CCDC150: variants seen among roughly 807,000 people sequenced by gnomAD.
CCDC150 encodes the protein coiled-coil domain-containing protein 150.
Under a neutral mutation model 156.5 loss-of-function variants are expected in CCDC150, and 151 were observed. The observed-to-expected ratio is 0.97, with a 90% CI of 0.85 to 1.10. The LOEUF is 1.10. CCDC150 is among the 50% of genes least tolerant of loss of function. CCDC150 has a pLI of 0.00. For missense variants in CCDC150, 1,312 were observed against 1,268.1 expected, an observed-to-expected ratio of 1.03 and a Z score of -0.53; for synonymous variants, 452 against 429.4, an observed-to-expected ratio of 1.05 and a Z score of -0.65.
intron 13 of CCDC150, among the ~76,000 whole-genome samples, chr2:196,680,278 A>G (rs1458048273): frequency 6.6e-6 from 1 of 151,960 alleles, no homozygotes; most frequent in African/African-American, 2.4e-5. Flanking sequence ...ATTTTTATGT[A>G]TCATGCAAGG....
At chr2:196,654,761 A>T (rs539652169) in intron 2 of CCDC150, among the ~76,000 whole-genome samples, 29 of 152,198 alleles carry the variant, frequency 1.9e-4, no homozygotes, top group Admixed American at 1.8e-3. Flanking sequence ...TTATTCTTTT[A>T]TTTGGAACAT....
In CCDC150 at chr2:196,656,691, C is replaced by G. The variant is rs202212006; in HGVS notation, c.235C>G (p.Pro79Ala). ...EDLDSQKVIS[P>A]IQNEAICAGK... is the part of the protein sequence containing the mutation. The stretch of plus-strand genomic sequence containing the variant: ...CCTGGACAGCCAGAAAGTCATTAGT[C>G]CTATCCAAAATGAAGCAATTTGTGC... The change falls in exon 3 of 28, where the codon CCT becomes GCT. Residue 79 changes from proline to alanine, a missense_variant. Transcript: ENST00000389175. 1.2e-4 allele frequency: 201 copies of G among 1,613,576 alleles called. No homozygotes were observed. In the African/African-American group the frequency reaches 2.5e-3, roughly 20 times the overall value.
At chr2:196,687,074 A>G (rs1169342863) in intron 13 of CCDC150, among the ~76,000 whole-genome samples, 1 of 152,250 alleles carries the variant, frequency 6.6e-6, no homozygotes, top group South Asian at 2.1e-4. Context: ...GAACATACAC[A>G]CATGCATGTA....
chr2:196,654,778 C>G (rs1251729718), intron 2 of CCDC150, among the ~76,000 whole-genome samples: 1 of 152,070 alleles, frequency 6.6e-6, no homozygotes, highest in African/African-American at 2.4e-5. Context: ...ACATATTTTC[C>G]TATTTCTTCA....
At chr2:196,648,903 C>T (rs916928166) in intron 2 of CCDC150, among the ~76,000 whole-genome samples, 6 of 152,206 alleles carry the variant, frequency 3.9e-5, no homozygotes, top group Middle Eastern at 3.4e-3. Flanking sequence ...CTGTCCTTTC[C>T]CCATTGTGTA....
intron 14 of CCDC150, among the ~76,000 whole-genome samples, chr2:196,695,868 G>C (rs896802421): frequency 2.6e-5 from 4 of 151,738 alleles, no homozygotes; most frequent in African/African-American, 9.7e-5. Context: ...TGGTCATTCT[G>C]TTAAGTAGCT....
intron 15 of CCDC150, among the ~76,000 whole-genome samples, chr2:196,708,465 G>T (rs1359660271): frequency 7.9e-5 from 12 of 152,100 alleles, no homozygotes; most frequent in Non-Finnish European, 1.5e-4. Flanking sequence ...TATCCAATTT[G>T]CTAGTCTGTG....
intron 13 of CCDC150, among the ~76,000 whole-genome samples, chr2:196,686,512 C>A (rs911063963): frequency 2.0e-5 from 3 of 152,072 alleles, no homozygotes. Flanking sequence ...AATATTGAAT[C>A]TTCTAATACA....
At chr2:196,648,473 T>G (rs1045624137) in intron 2 of CCDC150, among the ~76,000 whole-genome samples, 9 of 152,150 alleles carry the variant, frequency 5.9e-5, no homozygotes, top group Non-Finnish European at 1.2e-4. Context: ...TGTCCATGTT[T>G]AAAAAATAAG....
Position 196,658,845 on chromosome 2 carries a change from C to A in CCDC150, c.630C>A (p.Asn210Lys). 2 of 1,602,694 alleles carry A rather than the reference C, an allele frequency of 1.2e-6. No homozygotes were observed. Among genetic ancestry groups the A allele is most frequent in the Non-Finnish European group, 1.7e-6 (2 of 1,173,982 alleles). The change falls in exon 5 of 28, where the codon AAC (asparagine) becomes AAA (lysine). Residue 210 changes from asparagine to lysine, a missense_variant. Physicochemically the swap from Asn to Lys is moderately conservative, Grantham distance 94. Transcript: ENST00000389175. ...TGAAGACCACAAAACGTAAAATGAACCTTAAAATTCAAGAGGTAAGACAAA... is the reference window on the plus strand; with the variant it reads ...TGAAGACCACAAAACGTAAAATGAAACTTAAAATTCAAGAGGTAAGACAAA... ...EELKTTKRKM[N>K]LKIQELRRQL...
At chr2:196,669,266 G>A (rs930900052) in intron 7 of CCDC150, among the ~76,000 whole-genome samples, 8 of 152,162 alleles carry the variant, frequency 5.3e-5, no homozygotes, top group South Asian at 4.2e-4. Flanking sequence ...TTCTATCCCC[G>A]AAACCTGCTC....
At chr2:196,722,308 C>A (rs1326605512) in intron 21 of CCDC150, among the ~76,000 whole-genome samples, 2 of 152,126 alleles carry the variant, frequency 1.3e-5, no homozygotes, top group African/African-American at 4.8e-5. Context: ...CTGGGTCTCG[C>A]CCTGTTGCCC....
In CCDC150 at chr2:196,669,928, G is replaced by A. The variant is rs538059664; in HGVS notation, c.936+52G>A. ...AGGTGGTCTTTCCTCTCTTCACTAA[G>A]TCCTATTTCCTCTTCCATGTTGGCT... On this transcript the variant is annotated intron_variant, in intron 8 of 27. Coordinates refer to ENST00000389175, the MANE Select transcript of CCDC150 (RefSeq NM_001080539.2). The A allele has an allele frequency of 1.3e-5, 17 of 1,329,644 alleles. No homozygotes were observed. The South Asian group carries it at 2.0e-4, about 15-fold the overall frequency. The allele number at this position is 1,329,644 out of a possible 1,614,324, so 82.4% of individuals were successfully genotyped here. A position where few individuals can be genotyped will look rare whatever the true frequency, so the allele number is the denominator to read the frequency against.
In CCDC150 at chr2:196,669,659, G is replaced by T. The variant is rs575470102; in HGVS notation, c.893-174G>T. Among the ~76,000 whole-genome samples the T allele has an allele frequency of 4.6e-5, 7 of 152,104 alleles. No homozygotes were observed. In the East Asian group the frequency reaches 1.4e-3, roughly 29 times the overall value. ...TCATTTACCATTGCAAATGACTGTG[G>T]ACTAGTTTCTTGGTAATTCCATAAC... On this transcript the variant is annotated intron_variant, in intron 7 of 27. Coordinates refer to ENST00000389175, the MANE Select transcript of CCDC150 (RefSeq NM_001080539.2).
intron 1 of CCDC150, among the ~76,000 whole-genome samples, chr2:196,641,969 G>T (rs1692257199): frequency 6.6e-6 from 1 of 152,084 alleles, no homozygotes; most frequent in Non-Finnish European, 1.5e-5. Context: ...TGTGACATTG[G>T]TCTTTTTCTT....
intron 13 of CCDC150, among the ~76,000 whole-genome samples, chr2:196,683,404 T>C (rs1270823507): frequency 6.6e-6 from 1 of 152,100 alleles, no homozygotes; most frequent in East Asian, 1.9e-4. Flanking sequence ...GTTGTTGCAT[T>C]AGGCTTGCTA....
intron 22 of CCDC150, 81 bp from the exon 23 acceptor site, chr2:196,729,112 G>C: frequency 8.1e-7 from 1 of 1,232,704 alleles, no homozygotes; most frequent in South Asian, 1.6e-5. Flanking sequence ...ATCCAAAGAT[G>C]ATAAAATATA....
intron 21 of CCDC150, among the ~76,000 whole-genome samples, chr2:196,723,410 C>T (rs1350417473): frequency 1.3e-5 from 2 of 152,042 alleles, no homozygotes; most frequent in South Asian, 2.1e-4. Flanking sequence ...GCAGGAGAAT[C>T]GCTTGAACCT....
chr2:196,669,190 C>T (rs1366179141), intron 7 of CCDC150, among the ~76,000 whole-genome samples: 1 of 152,196 alleles, frequency 6.6e-6, no homozygotes, highest in Non-Finnish European at 1.5e-5. Flanking sequence ...TTACTGCCAA[C>T]TAAATATCTA....
Sources: gnomAD v4.1 joint callset for allele counts (sites outside exome capture counted in the v4.1 genomes callset) on GRCh38, gnomAD v4.1.1 for gene constraint, MANE v1.5 for transcripts, NCBI Gene and HGNC (gene_info 2026-07-23, HGNC 2026-07-21) for gene names.